HYDIN: variants seen among roughly 807,000 people sequenced by gnomAD.
HYDIN encodes the protein axonemal central pair apparatus protein HYDIN.
A neutral mutation model predicts 403.9 loss-of-function variants in HYDIN; 132 were observed. The observed-to-expected ratio is 0.33, with a 90% CI of 0.28 to 0.38. The LOEUF (loss-of-function observed/expected upper bound fraction) is 0.38, where lower values mean the gene tolerates loss of function less well. Among genes scored for constraint, HYDIN ranks in the 10% least tolerant of loss-of-function variants. The pLI, the probability that HYDIN is intolerant of heterozygous loss-of-function variation, is 1.00. For synonymous variants in HYDIN, 1,202 were observed against 1,891.7 expected (o/e 0.64, Z 9.46); for missense variants, 2,827 against 5,009.5 (o/e 0.56, Z 13.15).
chr16:71,073,871 C>T (rs1381604972), intron 13 of HYDIN, among the ~76,000 whole-genome samples: 2 of 152,108 alleles, frequency 1.3e-5, no homozygotes, highest in African/African-American at 4.8e-5. Context: ...CTGTAGTCAA[C>T]AGAACTAATT....
Position 70,807,854 on chromosome 16 carries a change from G to A in HYDIN, c.15092C>T (p.Ser5031Leu), listed in dbSNP as rs763594182. 39 of 1,614,072 alleles carry A rather than the reference G, an allele frequency of 2.4e-5. 1 individual carries two copies. Among genetic ancestry groups the A allele is most frequent in the South Asian group, 7.7e-5 (7 of 91,084 alleles). ...GATTATGCTGTACCCGGCTCGGATCGAGAAGGGACCTTGGGGCTTGGGAGG... is the reference window on the plus strand; with the variant it reads ...GATTATGCTGTACCCGGCTCGGATCAAGAAGGGACCTTGGGGCTTGGGAGG... ...ALPPKPQGPF[S>L]IRAGYSIIIP... Residue 5031 changes from serine to leucine, a missense_variant, in exon 86 of 86, where the codon TCG (serine) becomes TTG (leucine). Coordinates refer to ENST00000393567, the MANE Select transcript of HYDIN (RefSeq NM_001270974.2).
chr16:71,060,155 G>C (rs973137711), intron 18 of HYDIN, among the ~76,000 whole-genome samples: 12 of 151,408 alleles, frequency 7.9e-5, no homozygotes, highest in African/African-American at 2.7e-4. Context: ...CAGTTCAGTA[G>C]GGGAGCTTGT....
intron 1 of HYDIN, among the ~76,000 whole-genome samples, chr16:71,219,631 A>G (rs2089089940): frequency 6.6e-6 from 1 of 152,198 alleles, no homozygotes. Context: ...AGGGATAAAT[A>G]TGACCCTTTA....
At chr16:70,887,541 T>C (rs1168664976) in intron 58 of HYDIN, among the ~76,000 whole-genome samples, 1 of 152,172 alleles carries the variant, frequency 6.6e-6, no homozygotes, top group Non-Finnish European at 1.5e-5. Context: ...AACACCTTGA[T>C]TTTAGCACTT....
At chr16:70,810,635 G>A (rs529449931) in intron 84 of HYDIN, among the ~76,000 whole-genome samples, 1 of 152,180 alleles carries the variant, frequency 6.6e-6, no homozygotes, top group South Asian at 2.1e-4. Flanking sequence ...TTCGAAACCA[G>A]GCTGACCAAC....
intron 47 of HYDIN, among the ~76,000 whole-genome samples, chr16:70,917,402 T>G (rs1313529909): frequency 6.6e-6 from 1 of 152,216 alleles, no homozygotes; most frequent in South Asian, 2.1e-4. Context: ...CCAATTTACA[T>G]GTAAGCAGGA....
intron 19 of HYDIN, among the ~76,000 whole-genome samples, chr16:71,028,756 G>C (rs1323356070): frequency 2.0e-5 from 3 of 152,188 alleles, no homozygotes; most frequent in African/African-American, 7.2e-5. Context: ...TTTGCTAGTT[G>C]TTAGGTATAA....
Position 71,069,293 on chromosome 16 carries a change from G to A in HYDIN, c.1948C>T (p.Arg650Cys), listed in dbSNP as rs140028548. Residue 650 changes from arginine to cysteine, a missense_variant, in exon 14 of 86, where the codon CGC (arginine) becomes TGC (cysteine). Transcript: ENST00000393567. ...FTISPDCGTIRPQGFAAIRVT... is the reference protein window; with the variant it reads ...FTISPDCGTICPQGFAAIRVT... ...CTGATAGCAGCAAATCCCTGGGGGC[G>A]AATGGTGCCACAGTCAGGAGAGATG... 1.4e-5 allele frequency: 23 copies of A among 1,613,356 alleles called. No individual in the cohort carries two copies. Among genetic ancestry groups the A allele is most frequent in the Admixed American group, 3.3e-5 (2 of 59,930 alleles).
intron 21 of HYDIN, among the ~76,000 whole-genome samples, chr16:71,021,948 C>G (rs2080510609): frequency 6.6e-6 from 1 of 152,006 alleles, no homozygotes; most frequent in Non-Finnish European, 1.5e-5. Flanking sequence ...CTATGAGTCT[C>G]CCTGTGCACT....
intron 10 of HYDIN, among the ~76,000 whole-genome samples, chr16:71,097,797 C>T (rs6499454): frequency 0.46 from 67,459 of 146,344 alleles, 18,103 homozygotes; most frequent in East Asian, 0.72. Flanking sequence ...ACATTTTGAA[C>T]GTTCAAAATA....
At chr16:71,149,139 G>GA (rs2085435079) in intron 7 of HYDIN, among the ~76,000 whole-genome samples, 1 of 144,556 alleles carries the variant, frequency 6.9e-6, no homozygotes, top group Non-Finnish European at 1.5e-5. Flanking sequence ...ATGTACTTCA[G>GA]AAAAAAAGAC....
At chr16:70,899,848 C>G (rs1458801881) in intron 53 of HYDIN, among the ~76,000 whole-genome samples, 12 of 151,960 alleles carry the variant, frequency 7.9e-5, no homozygotes, top group Non-Finnish European at 1.8e-4. Context: ...AGATTCCCAG[C>G]AGGGTTGCAA....
In HYDIN at chr16:70,843,165, T is replaced by A. The variant is rs1465433086; in HGVS notation, c.12874-2932A>T. Among the ~76,000 whole-genome samples the A allele has an allele frequency of 2.8e-5, 4 of 143,900 alleles. No individual in the cohort carries two copies. In the East Asian group the frequency reaches 8.1e-4, roughly 29 times the overall value. 94.4% of individuals were successfully genotyped at this position (143,900 alleles called of 152,430 possible). On this transcript the variant is annotated intron_variant, in intron 75 of 85. Coordinates refer to ENST00000393567, the MANE Select transcript of HYDIN (RefSeq NM_001270974.2). Reference sequence around the variant, plus strand: ...CACTAACTCGTTATCTAGCATTAGGTATATCTCCCAATGCTATCCCTCCCC... The same window carrying A: ...CACTAACTCGTTATCTAGCATTAGGAATATCTCCCAATGCTATCCCTCCCC...
chr16:71,031,459 G>A, intron 19 of HYDIN: 3 of 1,368,042 alleles, frequency 2.2e-6, no homozygotes. Context: ...CTTCTCGGAT[G>A]TAGAGGGACA....
chr16:71,230,504 CG>C (rs765832148), intron 1 of HYDIN, 57 bp downstream of exon 1: 103 of 1,465,374 alleles, frequency 7.0e-5, no homozygotes, highest in Non-Finnish European at 8.4e-5. Context: ...GGGGACGCCC[CG>C]GTTAGCCCCC....
At chr16:70,881,578 A>G (rs1386577757) in intron 60 of HYDIN, among the ~76,000 whole-genome samples, 1 of 142,772 alleles carries the variant, frequency 7.0e-6, no homozygotes, top group Non-Finnish European at 1.5e-5. Flanking sequence ...ACTGCACTCC[A>G]GCCTGGGCGA....
intron 77 of HYDIN, 111 bp downstream of exon 77, chr16:70,837,579 G>A: frequency 1.3e-6 from 1 of 756,644 alleles, no homozygotes; most frequent in East Asian, 2.7e-5. Context: ...GAGCAGCCTG[G>A]GGCAGAGAAG....
At chr16:71,139,276 T>TG (rs113683375) in intron 7 of HYDIN, among the ~76,000 whole-genome samples, 222 of 151,700 alleles carry the variant, frequency 1.5e-3, no homozygotes, top group African/African-American at 3.3e-3. Flanking sequence ...CTCAATTTTT[T>TG]GGGGGGGGAA....
chr16:70,943,008 C>T (rs1221484135), intron 42 of HYDIN, among the ~76,000 whole-genome samples: 5 of 152,116 alleles, frequency 3.3e-5, no homozygotes, highest in Non-Finnish European at 7.4e-5. Flanking sequence ...TGATGATATT[C>T]CTCCTCTTCT....
Sources: allele counts gnomAD v4.1 joint callset (sites outside exome capture counted in the v4.1 genomes callset), GRCh38; gene constraint gnomAD v4.1.1; transcripts MANE v1.5; gene names NCBI Gene and HGNC (gene_info 2026-07-23, HGNC 2026-07-21).